ACADSB: variants seen among roughly 807,000 people sequenced by gnomAD.
The protein encoded by ACADSB is short/branched chain specific acyl-CoA dehydrogenase, mitochondrial.
A neutral mutation model predicts 54.1 loss-of-function variants in ACADSB; 40 were observed. That is an observed-to-expected ratio of 0.74 (90% CI 0.57 to 0.96). The LOEUF is 0.96. ACADSB is among the 40% of genes least tolerant of loss of function. The pLI is 0.00. For missense variants in ACADSB, 530 were observed against 510.4 expected (o/e 1.04, Z -0.37); for synonymous variants, 182 against 182.8 (o/e 1.00, Z 0.03).
At chr10:123,043,634 A>G (rs1053165254) in intron 6 of ACADSB, among the ~76,000 whole-genome samples, 1 of 152,140 alleles carries the variant, frequency 6.6e-6, no homozygotes, top group Non-Finnish European at 1.5e-5. Flanking sequence ...TAGGTGGGGC[A>G]GGTGGTGTCG....
At chr10:123,045,597 T>G (rs549396368) in intron 7 of ACADSB, among the ~76,000 whole-genome samples, 1 of 152,194 alleles carries the variant, frequency 6.6e-6, no homozygotes, top group Non-Finnish European at 1.5e-5. Context: ...ACTCTAGATT[T>G]TTTTCTGCTG....
chr10:123,015,224 G>C (rs563536275), intron 1 of ACADSB, among the ~76,000 whole-genome samples: 1 of 152,194 alleles, frequency 6.6e-6, no homozygotes, highest in Non-Finnish European at 1.5e-5. Context: ...TTTGTCTTCC[G>C]TTGATCTCTC....
intron 1 of ACADSB, among the ~76,000 whole-genome samples, chr10:123,022,192 G>C (rs944386264): frequency 6.6e-6 from 1 of 152,148 alleles, no homozygotes; most frequent in African/African-American, 2.4e-5. Flanking sequence ...AATATTTCTG[G>C]CTTTGAACTT....
chr10:123,040,397 T>G, intron 3 of ACADSB, 69 bp from the exon 4 acceptor site: 1 of 1,298,992 alleles, frequency 7.7e-7, no homozygotes, highest in Non-Finnish European at 1.1e-6. Flanking sequence ...TTTTTTAACT[T>G]GTTCATGCAA....
At chr10:123,019,072 G>A (rs1589732495) in intron 1 of ACADSB, among the ~76,000 whole-genome samples, 1 of 152,136 alleles carries the variant, frequency 6.6e-6, no homozygotes, top group African/African-American at 2.4e-5. Context: ...ATTCTCATAA[G>A]CCGTATCAAT....
chr10:123,052,772 G>A lies in ACADSB; in HGVS notation c.1129-289G>A, dbSNP rs775894199. 47 of 405,834 alleles carry A rather than the reference G, an allele frequency of 1.2e-4. No individual in the cohort carries two copies. The highest frequency in any genetic ancestry group is 7.7e-4 in the Middle Eastern group (1 of 1,294). 25.1% of individuals were successfully genotyped at this position (405,834 alleles called of 1,614,324 possible). ...GCTTGAAATGTCCCTTAGCTCGTCC[G>A]TTAGGCCCCCAGTAAACATTTCCTG... On this transcript the variant is annotated intron_variant, in intron 9 of 10. Transcript: ENST00000358776. This position sits in a 1 kb window ranked among gnomAD's most constrained non-coding sequence, Gnocchi z 4.2.
At chr10:123,030,668 T>C (rs1184595983) in intron 1 of ACADSB, among the ~76,000 whole-genome samples, 2 of 152,216 alleles carry the variant, frequency 1.3e-5, no homozygotes, top group Non-Finnish European at 2.9e-5. Flanking sequence ...GCCTTTCATA[T>C]ATTGTGAAAG....
At chr10:123,051,214 G>C in intron 9 of ACADSB, 28 bp downstream of exon 9, 1 of 1,253,614 alleles carries the variant, frequency 8.0e-7, no homozygotes, top group Non-Finnish European at 1.0e-6. Flanking sequence ...AAAAAAAAAG[G>C]AAAAAGTAAT....
In ACADSB at chr10:123,015,799, ACAGT is replaced by A. The variant is rs140013155; in HGVS notation, c.42+6732_42+6735del. ...TTTGCAAAGGAGTTTACAAGATAAA[ACAGT>A]CAGCAGCTCACAAAAGGAACTCATC... On this transcript the variant is annotated intron_variant, in intron 1 of 10. Coordinates refer to ENST00000358776, the MANE Select transcript of ACADSB (RefSeq NM_001609.4). Among the ~76,000 whole-genome samples the A allele has an allele frequency of 3.0e-3, 455 of 152,374 alleles. 1 individual carries two copies. The highest frequency in any genetic ancestry group is 5.2e-3 in the Non-Finnish European group (355 of 68,034).
At chr10:123,020,986 G>C (rs770711133) in intron 1 of ACADSB, among the ~76,000 whole-genome samples, 14 of 152,200 alleles carry the variant, frequency 9.2e-5, no homozygotes, top group East Asian at 1.9e-4. Flanking sequence ...CTGGGTGACA[G>C]AGCAAAACTC....
At chr10:123,035,757 T>C (rs559537771) in intron 2 of ACADSB, among the ~76,000 whole-genome samples, 1 of 152,254 alleles carries the variant, frequency 6.6e-6, no homozygotes, top group South Asian at 2.1e-4. Context: ...CAGCCAGAGG[T>C]TGTCCCCAAC....
rs778585603 is a variant in ACADSB at position 123,034,456 on chromosome 10, G to C, written c.143G>C (p.Gly48Ala). 1.2e-6 allele frequency: 2 copies of C among 1,612,930 alleles called. No individual in the cohort carries two copies. The highest frequency in any genetic ancestry group is 1.1e-5 in the South Asian group (1 of 91,074). ...GCTCTACTCAATATAACAAATAATGGAATACACTTTGCTCCCCTGCAAACA... is the reference window on the plus strand; with the variant it reads ...GCTCTACTCAATATAACAAATAATGCAATACACTTTGCTCCCCTGCAAACA... ...SEALLNITNNGIHFAPLQTFT... is the reference protein window; with the variant it reads ...SEALLNITNNAIHFAPLQTFT... The change falls in exon 2 of 11, where the codon GGA (glycine) becomes GCA (alanine). Residue 48 changes from glycine (G) to alanine (A), a missense_variant. By Grantham distance (60) the Gly-to-Ala change is moderately conservative (BLOSUM62 0). Transcript: ENST00000358776.
chr10:123,035,281 G>A lies in ACADSB; in HGVS notation c.202+766G>A, dbSNP rs374015847. 1.8e-4 allele frequency among the ~76,000 whole-genome samples: 27 copies of A among 152,196 alleles called. No homozygotes were observed. In the East Asian group the frequency reaches 3.3e-3, roughly 18 times the overall value. On this transcript the variant is annotated intron_variant, in intron 2 of 10. Transcript: ENST00000358776. The stretch of plus-strand genomic sequence containing the variant: ...TAGATAGTGGGTTTTCATACTTTAC[G>A]TGGAATTTCAATTTTACCTTTATCT...
At chr10:123,021,917 A>G (rs1356876935) in intron 1 of ACADSB, among the ~76,000 whole-genome samples, 1 of 152,200 alleles carries the variant, frequency 6.6e-6, no homozygotes, top group East Asian at 1.9e-4. Context: ...CCATGCTCTC[A>G]GAAGTGATCT....
At chr10:123,029,879 G>T (rs1200247080) in intron 1 of ACADSB, among the ~76,000 whole-genome samples, 3 of 152,156 alleles carry the variant, frequency 2.0e-5, no homozygotes, top group Admixed American at 1.3e-4. Context: ...ATAAAGAAAA[G>T]AAATTTATTT....
intron 1 of ACADSB, among the ~76,000 whole-genome samples, chr10:123,025,230 A>G (rs1046106857): frequency 7.9e-5 from 12 of 152,210 alleles, no homozygotes; most frequent in African/African-American, 2.7e-4. Context: ...GCCTAGCCAC[A>G]AGGATCGCTT....
At position 123,010,543 on chromosome 10, in the gene ACADSB, AC is replaced by A. The variant is rs562764622; in HGVS notation, c.42+1475del. Among the ~76,000 whole-genome samples the A allele has an allele frequency of 1.1e-4, 16 of 152,252 alleles. No individual in the cohort carries two copies. In the East Asian group the frequency reaches 2.7e-3, roughly 26 times the overall value. On this transcript the variant is annotated intron_variant, in intron 1 of 10. Coordinates refer to ENST00000358776, the MANE Select transcript of ACADSB (RefSeq NM_001609.4). ...CTGTAGCTAGGCTGCTTGGATCTGA[AC>A]CCAGGCCCTCTCACTTCCTAGTGGT...
intron 1 of ACADSB, among the ~76,000 whole-genome samples, chr10:123,015,019 C>T (rs1344144415): frequency 6.6e-6 from 1 of 152,178 alleles, no homozygotes; most frequent in Admixed American, 6.5e-5. Flanking sequence ...TTTGGCTTCT[C>T]CAATCTAGGA....
intron 1 of ACADSB, among the ~76,000 whole-genome samples, chr10:123,021,527 T>C (rs559704650): frequency 1.3e-5 from 2 of 152,372 alleles, no homozygotes; most frequent in African/African-American, 4.8e-5. Flanking sequence ...GGCAAATATT[T>C]ACATTCCCAT....
Sources: allele counts gnomAD v4.1 joint callset (sites outside exome capture counted in the v4.1 genomes callset), GRCh38; gene constraint gnomAD v4.1.1; non-coding constraint Gnocchi (gnomAD v3.1); transcripts MANE v1.5; gene names NCBI Gene and HGNC (gene_info 2026-07-23, HGNC 2026-07-21).